NF1: variants seen among roughly 807,000 people sequenced by gnomAD.
NF1 encodes the protein neurofibromin.
NF1 carries 122 observed loss-of-function variants against 325.7 expected under a neutral mutation model. The ratio of observed to expected loss-of-function variants is 0.37; its 90% CI spans 0.32 to 0.44. The LOEUF is 0.44. Ranked by LOEUF, NF1 falls within the 20% of genes least tolerant of loss-of-function variation. The pLI, the probability that NF1 is intolerant of heterozygous loss-of-function variation, is 1.00. For synonymous variants in NF1, 1,091 were observed against 1,186.0 expected, an observed-to-expected ratio of 0.92 and a Z score of 1.65; for missense variants, 2,140 against 3,415.4, an observed-to-expected ratio of 0.63 and a Z score of 9.31.
At chr17:31,321,725 A>G (rs558881208) in intron 36 of NF1, 20 of 148,542 alleles carry the variant, frequency 1.3e-4, no homozygotes, top group Non-Finnish European at 2.7e-4. Flanking sequence ...AAAAAAAAAA[A>G]CAACGAAAAA....
At chr17:31,115,529 C>T (rs1454372151) in intron 1 of NF1, among the ~76,000 whole-genome samples, 1 of 152,158 alleles carries the variant, frequency 6.6e-6, no homozygotes, top group Non-Finnish European at 1.5e-5. Flanking sequence ...ATTCTCAGGC[C>T]TTTGTATTCT....
In NF1 at chr17:31,258,374, A is replaced by G. The variant is rs1266004840; in HGVS notation, c.4204A>G (p.Ile1402Val). 6.2e-7 allele frequency: 1 copy of G among 1,613,978 alleles called. No homozygotes were observed. Among genetic ancestry groups the G allele is most frequent in the Non-Finnish European group, 8.5e-7 (1 of 1,179,908 alleles). The change falls in exon 32 of 58, where the codon ATC becomes GTC. Residue 1402 changes from isoleucine (I) to valine (V), a missense_variant. This residue lies in a region of NF1 where 336 missense variants were observed against 399.0 expected (regional missense o/e 0.84). Coordinates refer to ENST00000358273, the MANE Select transcript of NF1 (RefSeq NM_001042492.3). ...TAGCCAGCGTTTCCCTCAGAACAGC[A>G]TCGGTGCAGTAGGAAGTGCCATGTT... ...VVSQRFPQNSIGAVGSAMFLR... is the reference protein window; with the variant it reads ...VVSQRFPQNSVGAVGSAMFLR...
chr17:31,330,214 C>T (rs2069445616), intron 38 of NF1, 82 bp from the exon 39 acceptor site: 1 of 1,123,332 alleles, frequency 8.9e-7, no homozygotes, highest in Non-Finnish European at 1.4e-6. Context: ...GTAACAGAAT[C>T]ACAAATTGTA....
rs876660065 is a variant in NF1 at position 31,261,803 on chromosome 17, C to T, written c.4670C>T (p.Thr1557Ile). 6.2e-7 allele frequency: 1 copy of T among 1,612,870 alleles called. No individual in the cohort carries two copies. The highest frequency in any genetic ancestry group is 8.5e-7 in the Non-Finnish European group (1 of 1,179,960). ...CCAGAGCACAAACCTGTGGCAGATA[C>T]ACACTGGTCCAGCCTTAACCTTACC... ...GPPEHKPVAD[T>I]HWSSLNLTSS... The change falls in exon 35 of 58, where the codon ACA (threonine) becomes ATA (isoleucine). Residue 1557 changes from threonine to isoleucine, a missense_variant. Around this residue, in one of 10 missense-constraint regions of NF1, gnomAD observed 103 missense variants for 214.6 expected, o/e 0.48. Transcript: ENST00000358273.
At chr17:31,358,761 C>A in intron 55 of NF1, 139 bp downstream of exon 55, 1 of 1,247,648 alleles carries the variant, frequency 8.0e-7, no homozygotes, top group Non-Finnish European at 1.1e-6. Flanking sequence ...TTTTTACTCT[C>A]TCAACTGTAT....
intron 36 of NF1, among the ~76,000 whole-genome samples, chr17:31,324,497 C>G (rs1567896484): frequency 6.6e-6 from 1 of 152,166 alleles, no homozygotes; most frequent in Non-Finnish European, 1.5e-5. Flanking sequence ...TTATTATTAA[C>G]TAGTCACCTT....
rs185325140 is a variant in NF1 at position 31,155,964 on chromosome 17, T to C, written c.61-19T>C. 218 of 1,611,324 alleles carry C rather than the reference T, an allele frequency of 1.4e-4. 3 individuals are homozygous for C. The Admixed American group carries it at 3.5e-3, about 26-fold the overall frequency. On this transcript the variant is annotated intron_variant, in intron 1 of 57. Coordinates refer to ENST00000358273, the MANE Select transcript of NF1 (RefSeq NM_001042492.3). ...TAAGGATAAGCTGTTAACGTGTTTT[T>C]TTTTTCTTTTTTTTTCAGCTTCCAA... is the stretch of plus-strand genomic sequence containing the variant.
At chr17:31,359,170 G>A (rs1397481235) in intron 56 of NF1, 155 bp downstream of exon 56, 1 of 668,110 alleles carries the variant, frequency 1.5e-6, no homozygotes, top group Non-Finnish European at 2.6e-6. Context: ...TCATCACAAG[G>A]TTTTTTTCCA....
chr17:31,230,383 G>C lies in NF1; in HGVS notation c.3113+1G>C, dbSNP rs267606599. 6.2e-7 allele frequency: 1 copy of C among 1,613,356 alleles called. No individual in the cohort carries two copies. Among genetic ancestry groups the C allele is most frequent in the Non-Finnish European group, 8.5e-7 (1 of 1,179,516 alleles). ...CATTTTGCCAAGAGATGAAATTTAG[G>C]TGAGTTCTCAAAAGAGCAATGTAGG... On this transcript the variant is annotated splice_donor_variant, in intron 23 of 57. Coordinates refer to ENST00000358273, the MANE Select transcript of NF1 (RefSeq NM_001042492.3). LOFTEE classifies it high-confidence loss of function.
At chr17:31,354,637 T>G (rs1030548384) in intron 51 of NF1, among the ~76,000 whole-genome samples, 1 of 152,078 alleles carries the variant, frequency 6.6e-6, no homozygotes, top group Non-Finnish European at 1.5e-5. Context: ...AAAATTGATA[T>G]AGCAGTCCAA....
chr17:31,246,631 A>G (rs1455259018), intron 29 of NF1, among the ~76,000 whole-genome samples: 1 of 152,196 alleles, frequency 6.6e-6, no homozygotes, highest in Non-Finnish European at 1.5e-5. Context: ...TGAGTTTCAT[A>G]AGGGGTGTAT....
At chr17:31,328,472 ATTTGTGAAATAAAGGTAATTGCC>A (rs980747349) in intron 38 of NF1, among the ~76,000 whole-genome samples, 3 of 152,304 alleles carry the variant, frequency 2.0e-5, no homozygotes, top group Admixed American at 2.0e-4. Context: ...TAGTTTCCTT[ATTTGTGAAATAAAGGTAATTGCC>A]TTTCTTATAT....
intron 5 of NF1, among the ~76,000 whole-genome samples, chr17:31,171,805 G>T (rs1274058956): frequency 6.6e-6 from 1 of 152,172 alleles, no homozygotes; most frequent in Non-Finnish European, 1.5e-5. Context: ...ACAAGCCTTT[G>T]TTGAGAAACT....
intron 56 of NF1, 31 bp from the exon 57 acceptor site, chr17:31,360,456 A>G (rs1162522608): frequency 1.9e-6 from 3 of 1,588,892 alleles, no homozygotes; most frequent in South Asian, 2.2e-5. Flanking sequence ...AAAAAAAAGG[A>G]ACTAAAATAA....
At chr17:31,095,592 T>G in intron 1 of NF1, 129 of 427,808 alleles carry the variant, frequency 3.0e-4, no homozygotes, top group East Asian at 5.0e-4. Context: ...CCCTCCTAAG[T>G]CGGGGGGTGG....
intron 3 of NF1, among the ~76,000 whole-genome samples, 175 bp from the exon 4 acceptor site, chr17:31,163,011 T>A (rs1254060061): frequency 6.6e-6 from 1 of 152,168 alleles, no homozygotes; most frequent in Non-Finnish European, 1.5e-5. Flanking sequence ...TTTATTAAAC[T>A]ATCTATAGAC....
chr17:31,309,514 C>CG (rs1013657879), intron 36 of NF1, among the ~76,000 whole-genome samples: 53 of 152,136 alleles, frequency 3.5e-4, no homozygotes, highest in African/African-American at 1.2e-3. Flanking sequence ...CAAAAAAAGG[C>CG]GGGGGGACTT....
At chr17:31,215,322 G>A (rs1388467763) in intron 13 of NF1, among the ~76,000 whole-genome samples, 1 of 152,106 alleles carries the variant, frequency 6.6e-6, no homozygotes, top group African/African-American at 2.4e-5. Context: ...TGCCTCAGAT[G>A]ATATTAAATT....
At chr17:31,154,939 A>G (rs961538017) in intron 1 of NF1, among the ~76,000 whole-genome samples, 3 of 151,812 alleles carry the variant, frequency 2.0e-5, no homozygotes, top group Non-Finnish European at 4.4e-5. Context: ...TGGGTTCACC[A>G]TGTTGGCCAG....
Sources: allele counts gnomAD v4.1 joint callset (sites outside exome capture counted in the v4.1 genomes callset), GRCh38; gene constraint gnomAD v4.1.1; regional missense constraint gnomAD v4.1.1; transcripts MANE v1.5; gene names NCBI Gene and HGNC (gene_info 2026-07-23, HGNC 2026-07-21).